MIS18A: variants seen among roughly 807,000 people sequenced by gnomAD.
MIS18A encodes the protein protein Mis18-alpha.
In MIS18A, 14 loss-of-function variants were observed where a neutral mutation model predicts 25.0. The ratio of observed to expected loss-of-function variants is 0.56; its 90% CI spans 0.37 to 0.88. MIS18A has a LOEUF of 0.88. Ranked by LOEUF, MIS18A falls within the 40% of genes least tolerant of loss-of-function variation. The pLI is 0.00. For missense variants in MIS18A, 292 were observed against 290.8 expected (o/e 1.00, Z -0.03); for synonymous variants, 134 against 118.6 (o/e 1.13, Z -0.84).
chr21:32,273,944 T>C (rs1022019513), intron 2 of MIS18A, among the ~76,000 whole-genome samples: 4 of 152,186 alleles, frequency 2.6e-5, no homozygotes, highest in African/African-American at 9.6e-5. Context: ...CAGGCGTCAC[T>C]ATGGCACATG....
At chr21:32,194,525 G>A in the MIS18A span, among the ~76,000 whole-genome samples, 1 of 152,006 alleles carries the variant, frequency 6.6e-6, no homozygotes, top group African/African-American at 2.4e-5. Context: ...CAGGTGTGGT[G>A]GTGCATGCCT....
rs115570774 is a variant in MIS18A at position 32,271,782 on chromosome 21, C to T, written c.402-1253G>A. 4.3e-3 allele frequency among the ~76,000 whole-genome samples: 647 copies of T among 152,234 alleles called. 6 individuals carry two copies. Among genetic ancestry groups the T allele is most frequent in the African/African-American group, 0.015 (624 of 41,522 alleles). On this transcript the variant is annotated intron_variant, in intron 2 of 4. Coordinates refer to ENST00000290130, the MANE Select transcript of MIS18A (RefSeq NM_018944.3). ...TTTATATGAGAAATAAAAAGCATGTCGGTAAATCCCACTTAAATTACTCAC... is the reference window on the plus strand; with the variant it reads ...TTTATATGAGAAATAAAAAGCATGTTGGTAAATCCCACTTAAATTACTCAC...
chr21:32,229,483 G>A, the MIS18A span, among the ~76,000 whole-genome samples: 1 of 152,210 alleles, frequency 6.6e-6, no homozygotes, highest in African/African-American at 2.4e-5. Flanking sequence ...AAAGCCTGTT[G>A]TAATTACCCG....
At chr21:32,223,587 C>T in the MIS18A span, among the ~76,000 whole-genome samples, 3 of 152,208 alleles carry the variant, frequency 2.0e-5, no homozygotes, top group East Asian at 1.9e-4. Flanking sequence ...AGGAAGAAGT[C>T]GAATCCCTGA....
chr21:32,248,627 C>A, the MIS18A span, among the ~76,000 whole-genome samples: 1 of 152,212 alleles, frequency 6.6e-6, no homozygotes, highest in East Asian at 1.9e-4. Context: ...CTATTCAGAC[C>A]TAATGAGGCC....
chr21:32,276,992 G>A (rs1296230958), intron 1 of MIS18A, among the ~76,000 whole-genome samples: 1 of 152,002 alleles, frequency 6.6e-6, no homozygotes, highest in East Asian at 1.9e-4. Flanking sequence ...ATCATAGTTA[G>A]GCTGTTATAG....
At chr21:32,211,037 A>T in the MIS18A span, among the ~76,000 whole-genome samples, 1 of 152,160 alleles carries the variant, frequency 6.6e-6, no homozygotes, top group Non-Finnish European at 1.5e-5. Flanking sequence ...ACCAATAGGC[A>T]AGATTTTTTC....
downstream of MIS18A, among the ~76,000 whole-genome samples, chr21:32,265,729 GGACGGGCAGGCAGCTCCACCT>G (rs2031585944): frequency 6.6e-6 from 1 of 152,276 alleles, no homozygotes; most frequent in Non-Finnish European, 1.5e-5. Context: ...ACAGGGCACA[GGACGGGCAGGCAGCTCCACCT>G]GCAGCCCCGG....
chr21:32,195,619 T>C, the MIS18A span, among the ~76,000 whole-genome samples: 1 of 152,204 alleles, frequency 6.6e-6, no homozygotes, highest in Non-Finnish European at 1.5e-5. Flanking sequence ...GTAGATCCTC[T>C]CTTTGCACAG....
the MIS18A span, among the ~76,000 whole-genome samples, chr21:32,154,757 T>A: frequency 6.6e-6 from 1 of 151,966 alleles, no homozygotes; most frequent in Non-Finnish European, 1.5e-5. Context: ...TCTACAGTGT[T>A]ATTTTTTTCC....
At chr21:32,179,993 C>A in the MIS18A span, among the ~76,000 whole-genome samples, 1 of 152,186 alleles carries the variant, frequency 6.6e-6, no homozygotes, top group Admixed American at 6.5e-5. Flanking sequence ...GAATACCGTA[C>A]CAGAGATTCC....
chr21:32,176,391 C>T, the MIS18A span, among the ~76,000 whole-genome samples: 1 of 152,134 alleles, frequency 6.6e-6, no homozygotes, highest in Non-Finnish European at 1.5e-5. Context: ...ATAGAACCAT[C>T]ACTGTATATG....
the MIS18A span, among the ~76,000 whole-genome samples, chr21:32,199,799 C>G: frequency 3.3e-4 from 50 of 152,222 alleles, no homozygotes; most frequent in African/African-American, 1.2e-3. Flanking sequence ...GAGCGAGACT[C>G]TGTCTCAAAA....
At position 32,278,806 on chromosome 21, in the gene MIS18A, T is replaced by A. The variant is rs1203964809; in HGVS notation, c.209A>T (p.Glu70Val). 3 of 1,592,760 alleles carry A rather than the reference T, an allele frequency of 1.9e-6. No individual in the cohort carries two copies. Among genetic ancestry groups the A allele is most frequent in the Admixed American group, 3.5e-5 (2 of 56,768 alleles). Residue 70 changes from glutamate to valine, a missense_variant, in exon 1 of 5, where the codon GAG becomes GTG. Transcript: ENST00000290130. The stretch of plus-strand genomic sequence containing the variant: ...CTCCTCCGCAGCCGCCGCCTCCTCC[T>A]CCAGCTGCGCCCTCTCCATGTCGGC... ...SVADMERAQL[E>V]EEAAAAEERP...
At chr21:32,253,319 T>G in the MIS18A span, among the ~76,000 whole-genome samples, 3 of 152,138 alleles carry the variant, frequency 2.0e-5, no homozygotes, top group Non-Finnish European at 4.4e-5. Context: ...CATGCGCAGT[T>G]TCCAGCTGAG....
chr21:32,176,514 T>C, the MIS18A span, among the ~76,000 whole-genome samples: 7 of 152,224 alleles, frequency 4.6e-5, no homozygotes, highest in African/African-American at 1.2e-4. Context: ...AATTCCATTT[T>C]AAATGAATGA....
Position 32,268,606 on chromosome 21 carries a change from T to A in MIS18A, c.*431A>T, listed in dbSNP as rs1430244965. ...TCCCAAGTGTTAAATGTCAAAGTTT[T>A]TAAAAATAGTAAATAAATGTGATAC... is the stretch of plus-strand genomic sequence containing the variant. On this transcript the variant is annotated 3_prime_UTR_variant, in exon 5 of 5. Coordinates refer to ENST00000290130, the MANE Select transcript of MIS18A (RefSeq NM_018944.3). 1 of 152,298 alleles carries A rather than the reference T, an allele frequency of 6.6e-6. No homozygotes were observed. The highest frequency in any genetic ancestry group is 1.5e-5 in the Non-Finnish European group (1 of 68,138). 9.4% of individuals were successfully genotyped at this position (152,298 alleles called of 1,614,324 possible).
At chr21:32,205,713 C>T in the MIS18A span, among the ~76,000 whole-genome samples, 2 of 152,196 alleles carry the variant, frequency 1.3e-5, no homozygotes, top group African/African-American at 2.4e-5. Flanking sequence ...TAGAGCTCCA[C>T]CTTCTCTGAC....
At chr21:32,265,455 A>G (rs919845980), downstream of MIS18A, among the ~76,000 whole-genome samples, 2 of 152,216 alleles carry the variant, frequency 1.3e-5, no homozygotes, top group Admixed American at 6.5e-5. Flanking sequence ...GCCCCGGGCA[A>G]TGGGGGACTT....
Sources: gnomAD v4.1 joint callset for allele counts (sites outside exome capture counted in the v4.1 genomes callset) on GRCh38, gnomAD v4.1.1 for gene constraint, MANE v1.5 for transcripts, NCBI Gene and HGNC (gene_info 2026-07-23, HGNC 2026-07-21) for gene names.